Variants in RAI1 observed in about 807,000 individuals in gnomAD.
RAI1 encodes retinoic acid-induced protein 1.
A neutral mutation model predicts 123.8 loss-of-function variants in RAI1; 9 were observed. The ratio of observed to expected loss-of-function variants is 0.07; its 90% CI spans 0.04 to 0.13. RAI1 has a LOEUF of 0.13. RAI1 is among the 10% of genes least tolerant of loss of function. The pLI, the probability that RAI1 is intolerant of heterozygous loss-of-function variation, is 1.00. For missense variants in RAI1, 2,256 were observed against 2,545.8 expected (o/e 0.89, Z 2.45); for synonymous variants, 1,231 against 1,127.3 (o/e 1.09, Z -1.84).
chr17:17,721,170 CA>C (rs1448437570), intron 1 of RAI1, among the ~76,000 whole-genome samples: 3 of 152,120 alleles, frequency 2.0e-5, no homozygotes, highest in African/African-American at 7.2e-5. Flanking sequence ...CTCCATGCTC[CA>C]CCCCACCCCC....
chr17:17,773,868 G>C (rs1165947144), intron 2 of RAI1, among the ~76,000 whole-genome samples: 1 of 152,150 alleles, frequency 6.6e-6, no homozygotes, highest in Non-Finnish European at 1.5e-5. Context: ...CCATAGCCAT[G>C]AGTTATAATA....
intron 2 of RAI1, among the ~76,000 whole-genome samples, chr17:17,729,941 A>C (rs1260651734): frequency 6.6e-6 from 1 of 152,170 alleles, no homozygotes; most frequent in East Asian, 1.9e-4. Context: ...GGTAGGTCCT[A>C]GTGAGATTTG....
Position 17,801,385 on chromosome 17 carries a change from ACT to A in RAI1, c.5566-2364_5566-2363del, listed in dbSNP as rs1390880380. ...TGGGGTCAGAAGGGCCTGAGGCCTC[ACT>A]CTCTCTGCATCTTAGTTTCTTCACA... On this transcript the variant is annotated intron_variant, in intron 3 of 5. Coordinates refer to ENST00000353383, the MANE Select transcript of RAI1 (RefSeq NM_030665.4). The surrounding 1 kb of genome is among the most constrained non-coding windows in gnomAD (Gnocchi z 4.1). Among the ~76,000 whole-genome samples the A allele has an allele frequency of 7.2e-5, 11 of 152,064 alleles. No homozygotes were observed. The highest frequency in any genetic ancestry group is 1.9e-4 in the African/African-American group (8 of 41,472).
chr17:17,760,609 G>A (rs1465298888), intron 2 of RAI1, among the ~76,000 whole-genome samples: 1 of 152,244 alleles, frequency 6.6e-6, no homozygotes, highest in Non-Finnish European at 1.5e-5. Flanking sequence ...AAGTCAAAGG[G>A]TGTATCTTTC....
rs1915750742 is a variant in RAI1, at chr17:17,717,620, TCTTC to T, written c.-148-6404_-148-6401del. 2.0e-5 allele frequency among the ~76,000 whole-genome samples: 3 copies of T among 151,908 alleles called. No individual in the cohort carries two copies. In the South Asian group the frequency reaches 6.2e-4, roughly 31 times the overall value. On this transcript the variant is annotated intron_variant, in intron 1 of 5. Coordinates refer to ENST00000353383, the MANE Select transcript of RAI1 (RefSeq NM_030665.4). ...GTCATCCTCCCCACTCCCCAATCTG[TCTTC>T]CTTTGCAGCTGCCCTGTCCTCTCTT...
intron 1 of RAI1, among the ~76,000 whole-genome samples, chr17:17,700,330 G>C (rs1463853540): frequency 6.6e-6 from 1 of 151,974 alleles, no homozygotes; most frequent in Non-Finnish European, 1.5e-5. Context: ...CCTGTCGCCC[G>C]GCCCCAGGCG....
intron 1 of RAI1, among the ~76,000 whole-genome samples, chr17:17,690,824 A>ACT (rs1914812663): frequency 6.6e-6 from 1 of 152,186 alleles, no homozygotes; most frequent in African/African-American, 2.4e-5. Context: ...GACCCAGAGA[A>ACT]GCTTAACTCC....
Position 17,798,119 on chromosome 17 carries a change from G to T in RAI1, c.5171G>T (p.Arg1724Leu), listed in dbSNP as rs762655338. The T allele has an allele frequency of 1.2e-6, 2 of 1,613,710 alleles. No homozygotes were observed. The highest frequency in any genetic ancestry group is 1.7e-6 in the Non-Finnish European group (2 of 1,180,050). Residue 1724 changes from arginine (R) to leucine (L), a missense_variant, in exon 3 of 6, where the codon CGG (arginine) becomes CTG (leucine). This residue lies in a region of RAI1 where 243 missense variants were observed against 316.6 expected (regional missense o/e 0.77). Coordinates refer to ENST00000353383, the MANE Select transcript of RAI1 (RefSeq NM_030665.4). ...KKKPKLKEKV[R>L]PEGTCEEASL... ...AAGCCAAAACTCAAGGAGAAGGTGC[G>T]GCCAGAAGGCACCTGTGAGGAGGCC...
intron 1 of RAI1, among the ~76,000 whole-genome samples, chr17:17,715,500 A>T (rs1915681653): frequency 6.6e-6 from 1 of 152,184 alleles, no homozygotes; most frequent in African/African-American, 2.4e-5. Flanking sequence ...TGGTGCAGCC[A>T]CCTGGGTTCC....
chr17:17,738,443 G>A lies in RAI1; in HGVS notation c.-17+14284G>A, dbSNP rs62064091. On this transcript the variant is annotated intron_variant, in intron 2 of 5. Transcript: ENST00000353383. ...GTGCAGCTGAGGAGCCTGTTTTCCC[G>A]GCTGCTGCGGTCAGGCTGGGAGGAG... Among the ~76,000 whole-genome samples the A allele has an allele frequency of 7.9e-3, 1,196 of 152,188 alleles. 6 individuals carry two copies. Among genetic ancestry groups the A allele is most frequent in the Middle Eastern group, 0.014 (4 of 294 alleles).
chr17:17,710,701 CTG>C (rs1033657254), intron 1 of RAI1, among the ~76,000 whole-genome samples: 15 of 152,220 alleles, frequency 9.9e-5, no homozygotes, highest in Admixed American at 8.5e-4. Context: ...GGTGGAGAAA[CTG>C]AGGTAAAAAA....
chr17:17,796,115 G>T lies in RAI1; in HGVS notation c.3167G>T (p.Cys1056Phe). 6.3e-7 allele frequency: 1 copy of T among 1,584,486 alleles called. No homozygotes were observed. The highest frequency in any genetic ancestry group is 8.6e-7 in the Non-Finnish European group (1 of 1,165,158). ...GCCTCGGAAGGGCTCCCCAGGATGT[G>T]TACTCGTTCTCTCACGGCCCTGAGT... Reference protein sequence around the residue: ...RGASEGLPRMCTRSLTALSEP... With the variant: ...RGASEGLPRMFTRSLTALSEP... Residue 1056 changes from cysteine (C) to phenylalanine (F), a missense_variant, in exon 3 of 6, where the codon TGT becomes TTT. By Grantham distance (205) the Cys-to-Phe change is radical. Transcript: ENST00000353383. The surrounding 1 kb of genome is among the most constrained non-coding windows in gnomAD (Gnocchi z 5.8).
intron 1 of RAI1, among the ~76,000 whole-genome samples, chr17:17,687,246 C>G (rs1914672555): frequency 6.6e-6 from 1 of 152,108 alleles, no homozygotes; most frequent in African/African-American, 2.4e-5. Context: ...AGCAGGCGAG[C>G]ATGGGGTAGG....
At position 17,794,140 on chromosome 17, in the gene RAI1, C is replaced by T. The variant is rs765351287; in HGVS notation, c.1192C>T (p.Pro398Ser). Residue 398 changes from proline (P) to serine (S), a missense_variant, in exon 3 of 6, where the codon CCC (proline) becomes TCC (serine). Transcript: ENST00000353383. Reference sequence around the variant, plus strand: ...CAGCCACTTCATGCCCCTGCTCAATCCCTCCCCAACGGATGCCACCAGCTC... The same window carrying T: ...CAGCCACTTCATGCCCCTGCTCAATTCCTCCCCAACGGATGCCACCAGCTC... ...DHSHFMPLLN[P>S]SPTDATSSVD... 2.5e-6 allele frequency: 4 copies of T among 1,613,934 alleles called. No homozygotes were observed. The highest frequency in any genetic ancestry group is 1.1e-5 in the South Asian group (1 of 91,086).
chr17:17,762,706 G>A (rs552205538), intron 2 of RAI1, among the ~76,000 whole-genome samples: 8 of 152,176 alleles, frequency 5.3e-5, no homozygotes, highest in African/African-American at 1.7e-4. Context: ...GGGACTTGTC[G>A]GGAGGGGCAG....
chr17:17,690,503 A>G (rs1294060511), intron 1 of RAI1, among the ~76,000 whole-genome samples: 1 of 151,836 alleles, frequency 6.6e-6, no homozygotes, highest in East Asian at 1.9e-4. Context: ...GTGTGTCTTT[A>G]GGCAGGTTCC....
intron 2 of RAI1, among the ~76,000 whole-genome samples, chr17:17,759,834 G>A (rs531743216): frequency 1.3e-5 from 2 of 152,318 alleles, no homozygotes. Flanking sequence ...AGCTGTGTCC[G>A]TGAAGCTGAG....
intron 2 of RAI1, among the ~76,000 whole-genome samples, chr17:17,748,728 C>T (rs758759216): frequency 3.9e-5 from 6 of 152,080 alleles, no homozygotes; most frequent in Non-Finnish European, 7.4e-5. Context: ...GTCGGTGGGG[C>T]ACTGTGGTGT....
intron 2 of RAI1, among the ~76,000 whole-genome samples, chr17:17,788,160 G>A (rs1183119153): frequency 6.6e-6 from 1 of 152,150 alleles, no homozygotes; most frequent in Non-Finnish European, 1.5e-5. Context: ...GAGGAGGGAT[G>A]CATATCCAAG....
Sources: gnomAD v4.1 joint callset for allele counts (sites outside exome capture counted in the v4.1 genomes callset) on GRCh38, gnomAD v4.1.1 for gene constraint, gnomAD v4.1.1 regional missense constraint, Gnocchi (gnomAD v3.1) non-coding constraint, MANE v1.5 for transcripts, NCBI Gene and HGNC (gene_info 2026-07-23, HGNC 2026-07-21) for gene names.